Variants in ARL13B observed in about 807,000 individuals in gnomAD.
The protein encoded by ARL13B is ARF like GTPase 13B.
A neutral mutation model predicts 56.1 loss-of-function variants in ARL13B; 36 were observed. That is an observed-to-expected ratio of 0.64 (90% CI 0.49 to 0.85). The LOEUF is 0.85. ARL13B is among the 40% of genes least tolerant of loss of function. ARL13B has a pLI of 0.00. For synonymous variants in ARL13B, 178 were observed against 171.1 expected, an observed-to-expected ratio of 1.04 and a Z score of -0.32; for missense variants, 519 against 507.1, an observed-to-expected ratio of 1.02 and a Z score of -0.23.
chr3:94,043,179 G>C lies in ARL13B; in HGVS notation c.963G>C (p.Lys321Asn), dbSNP rs2076893671. The C allele has an allele frequency of 6.2e-7, 1 of 1,613,412 alleles. No homozygotes were observed. Among genetic ancestry groups the C allele is most frequent in the East Asian group, 2.2e-5 (1 of 44,798 alleles). ...NNEFGLVENY[K>N]EALTQQLKNE... ...AATTTGGACTAGTAGAAAATTATAA[G>C]GAGGCATTAACACAGCAGTTAAAGA... The change falls in exon 7 of 10, where the codon AAG (lysine) becomes AAC (asparagine). Residue 321 changes from lysine to asparagine, a missense_variant. Physicochemically the swap from Lys to Asn is moderately conservative, Grantham distance 94 (BLOSUM62 0). Coordinates refer to ENST00000394222, the MANE Select transcript of ARL13B (RefSeq NM_001174150.2).
chr3:94,043,003 A>G lies in ARL13B; in HGVS notation c.799-12A>G, dbSNP rs1560009821. 1 of 1,584,132 alleles carries G rather than the reference A, an allele frequency of 6.3e-7. No individual in the cohort carries two copies. Among genetic ancestry groups the G allele is most frequent in the Non-Finnish European group, 8.6e-7 (1 of 1,161,834 alleles). On this transcript the variant is annotated splice_polypyrimidine_tract_variant and intron_variant, in intron 6 of 9. Transcript: ENST00000394222. ...CATCATAGTAAAGATAATGTATTTTATTTTTTGTTAGAATGAAGGAAAACT... is the reference window on the plus strand; with the variant it reads ...CATCATAGTAAAGATAATGTATTTTGTTTTTTGTTAGAATGAAGGAAAACT...
At chr3:94,023,044 C>G (rs1392321830) in intron 3 of ARL13B, among the ~76,000 whole-genome samples, 2 of 151,704 alleles carry the variant, frequency 1.3e-5, no homozygotes, top group East Asian at 3.9e-4. Context: ...AATTTTCTTC[C>G]TCTTTTATAT....
chr3:94,008,110 A>G (rs969370710), intron 3 of ARL13B, among the ~76,000 whole-genome samples: 2 of 152,194 alleles, frequency 1.3e-5, no homozygotes, highest in African/African-American at 4.8e-5. Flanking sequence ...AACCAGAACC[A>G]ATTTCAATAG....
chr3:93,999,274 C>T (rs888557319), intron 2 of ARL13B, among the ~76,000 whole-genome samples: 2 of 151,808 alleles, frequency 1.3e-5, no homozygotes, highest in African/African-American at 4.8e-5. Flanking sequence ...CAGGGTATCA[C>T]TTTGTCATCT....
chr3:94,014,391 T>G (rs776394449), intron 3 of ARL13B: 1 of 1,521,288 alleles, frequency 6.6e-7, no homozygotes, highest in East Asian at 2.3e-5. Flanking sequence ...TTCTTTATTT[T>G]GAGCTACAGC....
intron 2 of ARL13B, among the ~76,000 whole-genome samples, chr3:93,998,603 A>G (rs1415788642): frequency 6.6e-6 from 1 of 152,078 alleles, no homozygotes; most frequent in Non-Finnish European, 1.5e-5. Context: ...ATATCTACTG[A>G]TGTTTAAAGA....
chr3:94,003,937 T>G (rs2076093391), intron 3 of ARL13B, 29 bp downstream of exon 3: 2 of 1,612,296 alleles, frequency 1.2e-6, no homozygotes, highest in African/African-American at 2.7e-5. Flanking sequence ...ATTGTAAATG[T>G]AGGGACGATG....
chr3:94,008,090 G>A (rs1183130750), intron 3 of ARL13B, among the ~76,000 whole-genome samples: 1 of 152,118 alleles, frequency 6.6e-6, no homozygotes, highest in African/African-American at 2.4e-5. Context: ...CAGCTATGTA[G>A]AGTGGCATGA....
intron 3 of ARL13B, chr3:94,015,117 T>G (rs1186505976): frequency 9.3e-6 from 15 of 1,613,888 alleles, no homozygotes; most frequent in Non-Finnish European, 1.2e-5. Flanking sequence ...GGATTTCATG[T>G]AGGTGTCTCT....
At chr3:94,014,918 TTTTAACTTC>T in intron 3 of ARL13B, 3 of 1,613,530 alleles carry the variant, frequency 1.9e-6, no homozygotes, top group Non-Finnish European at 2.5e-6. Context: ...ACCTCTGACT[TTTTAACTTC>T]TTTAACTAAA....
At position 93,980,346 on chromosome 3, in the gene ARL13B, C is replaced by T; in HGVS notation, c.-78C>T. On this transcript the variant is annotated 5_prime_UTR_variant, in exon 1 of 10. Transcript: ENST00000394222. ...CCACTTTAGGGGCGTCTCGGAGTGC[C>T]GGAGGCCCCCGGGGAAGAGCGGGGT... 1.3e-6 allele frequency: 2 copies of T among 1,577,880 alleles called. No homozygotes were observed. The highest frequency in any genetic ancestry group is 1.3e-5 in the African/African-American group (1 of 74,500).
chr3:94,005,991 C>T (rs573463186), intron 3 of ARL13B, among the ~76,000 whole-genome samples: 1 of 152,166 alleles, frequency 6.6e-6, no homozygotes, highest in South Asian at 2.1e-4. Context: ...GTAATGTATA[C>T]AGTATTCATA....
At position 94,055,634 on chromosome 3, in the gene ARL13B, T is replaced by C; in HGVS notation, c.*2371T>C. The C allele has an allele frequency of 2.2e-6, 1 of 453,404 alleles. No individual in the cohort carries two copies. The highest frequency in any genetic ancestry group is 4.4e-6 in the Non-Finnish European group (1 of 226,386). 28.1% of individuals were successfully genotyped at this position (453,404 alleles called of 1,614,324 possible). ...GCATATTACGTAGTATACATGATAT[T>C]GTATGTAACTGACTTCAAATATAAA... On this transcript the variant is annotated 3_prime_UTR_variant, in exon 10 of 10. Transcript: ENST00000394222.
intron 3 of ARL13B, among the ~76,000 whole-genome samples, chr3:94,020,444 C>T (rs533539454): frequency 8.0e-4 from 122 of 152,180 alleles, no homozygotes; most frequent in African/African-American, 2.8e-3. Flanking sequence ...CTTTATACGA[C>T]AGTATAGCAT....
chr3:94,014,389 T>C (rs1340460300), intron 3 of ARL13B: 3 of 1,520,040 alleles, frequency 2.0e-6, no homozygotes, highest in Non-Finnish European at 2.6e-6. Context: ...GCTTCTTTAT[T>C]TTGAGCTACA....
intron 3 of ARL13B, among the ~76,000 whole-genome samples, chr3:94,007,444 G>A (rs1015867549): frequency 2.0e-5 from 3 of 152,124 alleles, no homozygotes; most frequent in Non-Finnish European, 1.5e-5. Context: ...TGCTGATAAA[G>A]GCATACCTAA....
intron 2 of ARL13B, among the ~76,000 whole-genome samples, chr3:94,003,199 G>A (rs775741862): frequency 1.3e-5 from 2 of 152,094 alleles, no homozygotes; most frequent in Non-Finnish European, 2.9e-5. Flanking sequence ...TTAAAAAAGA[G>A]TGGCCTTATT....
chr3:93,985,944 A>T (rs189810336), intron 1 of ARL13B, among the ~76,000 whole-genome samples: 1 of 152,274 alleles, frequency 6.6e-6, no homozygotes, highest in East Asian at 1.9e-4. Context: ...GAACTTTTTC[A>T]CTGAGGGAAT....
At chr3:93,991,848 A>T (rs1336219632) in intron 1 of ARL13B, among the ~76,000 whole-genome samples, 1 of 152,166 alleles carries the variant, frequency 6.6e-6, no homozygotes, top group Non-Finnish European at 1.5e-5. Flanking sequence ...CCATGCTGTG[A>T]TTTTTATTTG....
Sources: allele counts gnomAD v4.1 joint callset (sites outside exome capture counted in the v4.1 genomes callset), GRCh38; gene constraint gnomAD v4.1.1; transcripts MANE v1.5; gene names NCBI Gene and HGNC (gene_info 2026-07-23, HGNC 2026-07-21).